C16orf78: variants seen among roughly 807,000 people sequenced by gnomAD.
The protein encoded by C16orf78 is chromosome 16 open reading frame 78.
C16orf78 carries 19 observed loss-of-function variants against 27.3 expected under a neutral mutation model. That is an observed-to-expected ratio of 0.70 (90% confidence interval 0.49 to 1.02). The LOEUF (loss-of-function observed/expected upper bound fraction) is 1.02, where lower values mean the gene tolerates loss of function less well. Ranked by LOEUF, C16orf78 falls within the 50% of genes least tolerant of loss-of-function variation. C16orf78 has a pLI of 0.00. For synonymous variants in C16orf78, 130 were observed against 116.1 expected, an observed-to-expected ratio of 1.12 and a Z score of -0.77; for missense variants, 339 against 337.0, an observed-to-expected ratio of 1.01 and a Z score of -0.05.
chr16:49,396,378 C>G (rs188780400), intron 3 of C16orf78, 45 bp from the exon 4 acceptor site: 16 of 1,601,378 alleles, frequency 1.0e-5, no homozygotes, highest in African/African-American at 2.7e-5. Flanking sequence ...CCACCTCTCA[C>G]GTCTCCCACG....
intron 3 of C16orf78, among the ~76,000 whole-genome samples, chr16:49,384,346 CAAAAA>C (rs771147270): frequency 7.8e-5 from 4 of 50,990 alleles, no homozygotes; most frequent in South Asian, 1.4e-3. Flanking sequence ...AAAACTCCAT[CAAAAA>C]AAAAAAAAAA....
At position 49,373,859 on chromosome 16, in the gene C16orf78, G is replaced by C; in HGVS notation, c.-81G>C. The C allele has an allele frequency of 6.5e-7, 1 of 1,545,312 alleles. No individual in the cohort carries two copies. Among genetic ancestry groups the C allele is most frequent in the South Asian group, 1.2e-5 (1 of 82,528 alleles). ...CACACCCTACCTTCTAAGTCACCAG[G>C]CCATCAAGTCCAGACAAAGGGATCG... is the stretch of plus-strand genomic sequence containing the variant. On this transcript the variant is annotated 5_prime_UTR_variant, in exon 1 of 5. Coordinates refer to ENST00000299191, the MANE Select transcript of C16orf78 (RefSeq NM_144602.4).
rs1965183434 is a variant in C16orf78, at chr16:49,373,842, A to G, written c.-98A>G. The G allele has an allele frequency of 1.2e-5, 17 of 1,466,426 alleles. No homozygotes were observed. The highest frequency in any genetic ancestry group is 3.6e-5 in the Admixed American group (2 of 55,384). The allele number at this position is 1,466,426 out of a possible 1,614,324, so 90.8% of individuals were successfully genotyped here. ...TGTTCACATCTGGAGGCCACACCCTACCTTCTAAGTCACCAGGCCATCAAG... is the reference window on the plus strand; with the variant it reads ...TGTTCACATCTGGAGGCCACACCCTGCCTTCTAAGTCACCAGGCCATCAAG... On this transcript the variant is annotated 5_prime_UTR_variant, in exon 1 of 5. Coordinates refer to ENST00000299191, the MANE Select transcript of C16orf78 (RefSeq NM_144602.4).
At chr16:49,376,654 A>G (rs9929573) in intron 1 of C16orf78, among the ~76,000 whole-genome samples, 28,419 of 152,044 alleles carry the variant, frequency 0.19, 2,815 homozygotes, top group South Asian at 0.3. Flanking sequence ...CAAATGGCTT[A>G]TCGAAACTTC....
chr16:49,392,180 GA>G (rs1163729324), intron 3 of C16orf78, among the ~76,000 whole-genome samples: 2 of 152,066 alleles, frequency 1.3e-5, no homozygotes, highest in Non-Finnish European at 2.9e-5. Context: ...CTTACAAGGG[GA>G]AAAAAATCAG....
chr16:49,383,563 C>A (rs948412946), intron 3 of C16orf78, among the ~76,000 whole-genome samples: 1 of 152,192 alleles, frequency 6.6e-6, no homozygotes, highest in African/African-American at 2.4e-5. Context: ...TATCTTTAAT[C>A]TCTTTCTCTT....
chr16:49,399,396 T>C lies in C16orf78; in HGVS notation c.*118T>C. ...CAACTTAGTGCATCCCTTTAGAAAG[T>C]AAGCAATCAGAAAACAAGCCTCGGC... On this transcript the variant is annotated 3_prime_UTR_variant, in exon 5 of 5. Transcript: ENST00000299191. 8.0e-7 allele frequency: 1 copy of C among 1,245,860 alleles called. No individual in the cohort carries two copies. Among genetic ancestry groups the C allele is most frequent in the Non-Finnish European group, 1.1e-6 (1 of 897,986 alleles). The allele number at this position is 1,245,860 out of a possible 1,614,324, so 77.2% of individuals were successfully genotyped here.
At chr16:49,397,204 G>C (rs1195058465) in intron 4 of C16orf78, among the ~76,000 whole-genome samples, 1 of 152,054 alleles carries the variant, frequency 6.6e-6, no homozygotes, top group East Asian at 1.9e-4. Flanking sequence ...TGTTTATCAG[G>C]GCTCTCTGGT....
chr16:49,387,130 A>C (rs1318379577), intron 3 of C16orf78, among the ~76,000 whole-genome samples: 1 of 152,132 alleles, frequency 6.6e-6, no homozygotes, highest in African/African-American at 2.4e-5. Flanking sequence ...CTTTTTAATA[A>C]TAGCCATTCT....
chr16:49,392,155 A>C (rs1863522871), intron 3 of C16orf78, among the ~76,000 whole-genome samples: 1 of 152,220 alleles, frequency 6.6e-6, no homozygotes, highest in Non-Finnish European at 1.5e-5. Context: ...ACAAGCTTAC[A>C]GACAGAATAA....
chr16:49,398,892 T>C (rs765012298), intron 4 of C16orf78, among the ~76,000 whole-genome samples: 20 of 152,230 alleles, frequency 1.3e-4, no homozygotes, highest in Admixed American at 7.9e-4. Context: ...AGATAATGAA[T>C]GTTTTTTCTC....
intron 2 of C16orf78, among the ~76,000 whole-genome samples, chr16:49,378,133 G>A (rs1026838502): frequency 7.9e-5 from 12 of 152,168 alleles, no homozygotes; most frequent in African/African-American, 2.9e-4. Flanking sequence ...CTTGGAAGAT[G>A]AGAACACCGT....
chr16:49,389,836 C>T (rs1213380918), intron 3 of C16orf78, among the ~76,000 whole-genome samples: 1 of 152,152 alleles, frequency 6.6e-6, no homozygotes, highest in Non-Finnish European at 1.5e-5. Flanking sequence ...TTTGTGTTTA[C>T]TCACATATTT....
chr16:49,375,239 G>A (rs1965199714), intron 1 of C16orf78, among the ~76,000 whole-genome samples: 1 of 152,030 alleles, frequency 6.6e-6, no homozygotes, highest in Admixed American at 6.6e-5. Context: ...CTGCCTTTGG[G>A]GAAAGCTTCC....
chr16:49,384,368 A>AG lies in C16orf78; in HGVS notation c.394+5776dup, dbSNP rs548408148. Among the ~76,000 whole-genome samples the AG allele has an allele frequency of 2.2e-3, 309 of 143,134 alleles. 17 individuals are homozygous for AG. In the South Asian group the frequency reaches 0.039, roughly 18 times the overall value. 93.9% of individuals were successfully genotyped at this position (143,134 alleles called of 152,430 possible). A position where few individuals can be genotyped will look rare whatever the true frequency, so the allele number is the denominator to read the frequency against. On this transcript the variant is annotated intron_variant, in intron 3 of 4. Coordinates refer to ENST00000299191, the MANE Select transcript of C16orf78 (RefSeq NM_144602.4). ...CATCAAAAAAAAAAAAAAAAAAAAA[A>AG]GCAGAAAACTAATTCCTGGAGCTGA... is the stretch of plus-strand genomic sequence containing the variant.
At chr16:49,374,992 T>G (rs975414920) in intron 1 of C16orf78, among the ~76,000 whole-genome samples, 1 of 152,192 alleles carries the variant, frequency 6.6e-6, no homozygotes, top group Non-Finnish European at 1.5e-5. Flanking sequence ...TCACTAACTT[T>G]TAATGTTTAC....
intron 3 of C16orf78, among the ~76,000 whole-genome samples, chr16:49,381,254 C>G (rs1296915205): frequency 1.3e-5 from 2 of 152,156 alleles, no homozygotes; most frequent in Non-Finnish European, 2.9e-5. Flanking sequence ...ATTGATTCTT[C>G]CTACCCATGA....
Position 49,399,368 on chromosome 16 carries a change from T to C in C16orf78, c.*90T>C. ...TCCTCTGGCACACTACAAGTGGTCCTTCCAACTTAGTGCATCCCTTTAGAA... is the reference window on the plus strand; with the variant it reads ...TCCTCTGGCACACTACAAGTGGTCCCTCCAACTTAGTGCATCCCTTTAGAA... On this transcript the variant is annotated 3_prime_UTR_variant, in exon 5 of 5. Coordinates refer to ENST00000299191, the MANE Select transcript of C16orf78 (RefSeq NM_144602.4). 6.8e-7 allele frequency: 1 copy of C among 1,474,406 alleles called. No individual in the cohort carries two copies. Among genetic ancestry groups the C allele is most frequent in the Non-Finnish European group, 9.3e-7 (1 of 1,079,772 alleles). The allele number at this position is 1,474,406 out of a possible 1,614,324, so 91.3% of individuals were successfully genotyped here. A position where few individuals can be genotyped will look rare whatever the true frequency, so the allele number is the denominator to read the frequency against.
chr16:49,378,356 T>C lies in C16orf78; in HGVS notation c.271-114T>C, dbSNP rs1454484624. ...GGCCCGGGGAAGCTCTCTCCTTGGT[T>C]GCCTTTGCCTGCCTTTTGGCAAACC... On this transcript the variant is annotated intron_variant, in intron 2 of 4. Transcript: ENST00000299191. 2.1e-6 allele frequency: 3 copies of C among 1,439,876 alleles called. No homozygotes were observed. The East Asian group carries it at 7.5e-5, about 36-fold the overall frequency. The allele number at this position is 1,439,876 out of a possible 1,614,324, so 89.2% of individuals were successfully genotyped here.
Sources: allele counts gnomAD v4.1 joint callset (sites outside exome capture counted in the v4.1 genomes callset), GRCh38; gene constraint gnomAD v4.1.1; transcripts MANE v1.5; gene names NCBI Gene and HGNC (gene_info 2026-07-23, HGNC 2026-07-21).